FH: variants seen among roughly 807,000 people sequenced by gnomAD.
The protein encoded by FH is fumarate hydratase, mitochondrial.
Under a neutral mutation model 49.4 loss-of-function variants are expected in FH, and 22 were observed. The observed-to-expected ratio is 0.45, with a 90% confidence interval of 0.32 to 0.64. The LOEUF is 0.64. FH is among the 30% of genes least tolerant of loss of function. The pLI is 0.05. For synonymous variants in FH, 208 were observed against 223.0 expected (o/e 0.93, Z 0.60); for missense variants, 526 against 641.5 (o/e 0.82, Z 1.95).
intron 7 of FH, among the ~76,000 whole-genome samples, 154 bp from the exon 8 acceptor site, chr1:241,502,724 G>C (rs1659814495): frequency 6.6e-6 from 1 of 152,200 alleles, no homozygotes; most frequent in African/African-American, 2.4e-5. Flanking sequence ...ACCAAGGAAG[G>C]TGGGATGGGT....
At chr1:241,511,397 T>TACAATAG (rs1660079272) in intron 4 of FH, among the ~76,000 whole-genome samples, 1 of 152,206 alleles carries the variant, frequency 6.6e-6, no homozygotes, top group Non-Finnish European at 1.5e-5. Flanking sequence ...TGTATTTTAT[T>TACAATAG]ACTGCAGCCC....
At chr1:241,507,217 C>T (rs1211459749) in intron 5 of FH, among the ~76,000 whole-genome samples, 4 of 152,268 alleles carry the variant, frequency 2.6e-5, no homozygotes, top group Admixed American at 6.5e-5. Flanking sequence ...CATTGTGTTA[C>T]GATTGCCTAT....
intron 1 of FH, 42 bp downstream of exon 1, chr1:241,519,549 A>AG: frequency 6.5e-7 from 1 of 1,538,566 alleles, no homozygotes; most frequent in Non-Finnish European, 8.8e-7. Context: ...GGAGGGCTGA[A>AG]GGTCACTGCG....
At chr1:241,512,910 G>GGTGT (rs10548903) in intron 3 of FH, among the ~76,000 whole-genome samples, 8,186 of 148,372 alleles carry the variant, frequency 0.055, 713 homozygotes, top group African/African-American at 0.18. Context: ...ATGCAATGAG[G>GGTGT]GTGTGTGTGT....
chr1:241,511,759 C>T (rs1462424647), intron 4 of FH: 3 of 545,678 alleles, frequency 5.5e-6, no homozygotes, highest in East Asian at 3.0e-5. Context: ...TAAAAAAATA[C>T]ATACACTAAA....
At chr1:241,504,267 T>C (rs1397964081) in intron 6 of FH, 22 bp from the exon 7 acceptor site, 3 of 1,600,702 alleles carry the variant, frequency 1.9e-6, no homozygotes, top group Admixed American at 1.7e-5. Flanking sequence ...AAAAATATCC[T>C]AGATGGGTGA....
intron 7 of FH, 73 bp downstream of exon 7, chr1:241,503,969 A>G: frequency 7.0e-7 from 1 of 1,423,336 alleles, no homozygotes; most frequent in Non-Finnish European, 9.8e-7. Context: ...ACAAAGAGAG[A>G]CATGGTCCAT....
At chr1:241,508,557 T>C in intron 5 of FH, 46 bp downstream of exon 5, 1 of 1,548,426 alleles carries the variant, frequency 6.5e-7, no homozygotes, top group Non-Finnish European at 8.9e-7. Context: ...ACATTGGCCA[T>C]TTGTACCAAG....
intron 8 of FH, 39 bp from the exon 9 acceptor site, chr1:241,500,629 G>GAGAGAGAGAC (rs1375475416): frequency 1.2e-6 from 2 of 1,608,338 alleles, no homozygotes; most frequent in African/African-American, 1.3e-5. Flanking sequence ...GAGAGAGAGA[G>GAGAGAGAGAC]AGAGAGAGAG....
intron 3 of FH, 75 bp from the exon 4 acceptor site, chr1:241,512,218 A>T: frequency 7.5e-7 from 1 of 1,332,492 alleles, no homozygotes; most frequent in Non-Finnish European, 1.1e-6. Flanking sequence ...GTTTGAATAC[A>T]GTTGACCCAC....
intron 4 of FH, among the ~76,000 whole-genome samples, chr1:241,511,162 T>C (rs1185781537): frequency 6.6e-6 from 1 of 152,174 alleles, no homozygotes; most frequent in Admixed American, 6.5e-5. Flanking sequence ...GATTAGTTCA[T>C]AGGGCAAAGC....
At chr1:241,516,589 G>A (rs3014576) in intron 2 of FH, among the ~76,000 whole-genome samples, 48,856 of 151,874 alleles carry the variant, frequency 0.32, 8,107 homozygotes, top group South Asian at 0.52. Flanking sequence ...AAACCACCAT[G>A]GCACACATTT....
At position 241,506,233 on chromosome 1, in the gene FH, T is replaced by C. The variant is rs370758566; in HGVS notation, c.739-65A>G. On this transcript the variant is annotated intron_variant, in intron 5 of 9. Transcript: ENST00000366560. ...CTAATAGCTTACAAGTTACTCTAAC[T>C]GCATTAAATAGAAATTTTTAAAAAT... 383 of 1,231,634 alleles carry C rather than the reference T, an allele frequency of 3.1e-4. 4 individuals are homozygous for C. The South Asian group carries it at 4.0e-3, about 13-fold the overall frequency. The allele number at this position is 1,231,634 out of a possible 1,614,324, so 76.3% of individuals were successfully genotyped here. A position where few individuals can be genotyped will look rare whatever the true frequency, so the allele number is the denominator to read the frequency against.
intron 7 of FH, among the ~76,000 whole-genome samples, chr1:241,503,744 TAAGTG>T (rs1293546738): frequency 6.6e-6 from 1 of 152,244 alleles, no homozygotes; most frequent in Non-Finnish European, 1.5e-5. Flanking sequence ...AAAAATGAAA[TAAGTG>T]AAGTTTGGTA....
chr1:241,500,398 T>A (rs1659739781), intron 9 of FH, 39 bp downstream of exon 9: 1 of 1,602,436 alleles, frequency 6.2e-7, no homozygotes, highest in Non-Finnish European at 8.5e-7. Flanking sequence ...CTTTTTAATT[T>A]TGCATTCAAA....
At position 241,497,721 on chromosome 1, in the gene FH, G is replaced by T; in HGVS notation, c.*107C>A. The T allele has an allele frequency of 2.0e-6, 2 of 1,010,508 alleles. No homozygotes were observed. Among genetic ancestry groups the T allele is most frequent in the Non-Finnish European group, 1.5e-6 (1 of 677,912 alleles). The allele number at this position is 1,010,508 out of a possible 1,614,324, so 62.6% of individuals were successfully genotyped here. ...CTGATCAAATTGCTCTGCTAGAGAT[G>T]CTTAAGTTCAATAGCAGTTTCCTTT... On this transcript the variant is annotated 3_prime_UTR_variant, in exon 10 of 10. Coordinates refer to ENST00000366560, the MANE Select transcript of FH (RefSeq NM_000143.4).
intron 4 of FH, among the ~76,000 whole-genome samples, chr1:241,509,236 T>C (rs1660014898): frequency 6.6e-6 from 1 of 151,976 alleles, no homozygotes; most frequent in Non-Finnish European, 1.5e-5. Flanking sequence ...TTGAATTATA[T>C]ATTCTTATAA....
rs1341591713 is a variant in FH, at chr1:241,519,554, A to G, written c.132+37T>C. On this transcript the variant is annotated intron_variant, in intron 1 of 9. Transcript: ENST00000366560. Reference sequence around the variant, plus strand: ...CCGGCAGGCAGGAGGGCTGAAGGTCACTGCGGGGAGGCCGGGGGATGGCGG... The same window carrying G: ...CCGGCAGGCAGGAGGGCTGAAGGTCGCTGCGGGGAGGCCGGGGGATGGCGG... The G allele has an allele frequency of 1.9e-6, 3 of 1,540,786 alleles. No individual in the cohort carries two copies. The Admixed American group carries it at 5.9e-5, about 30-fold the overall frequency.
chr1:241,519,392 G>T, intron 1 of FH, 199 bp downstream of exon 1: 1 of 611,416 alleles, frequency 1.6e-6, no homozygotes, highest in South Asian at 2.4e-5. Context: ...GCTCTCCCGG[G>T]CTGCGGCTCC....
Sources: gnomAD v4.1 joint callset for allele counts (sites outside exome capture counted in the v4.1 genomes callset) on GRCh38, gnomAD v4.1.1 for gene constraint, MANE v1.5 for transcripts, NCBI Gene and HGNC (gene_info 2026-07-23, HGNC 2026-07-21) for gene names.